NEXN: variants seen among roughly 807,000 people sequenced by gnomAD.
The protein encoded by NEXN is nexilin F-actin binding protein.
Under a neutral mutation model 92.6 loss-of-function variants are expected in NEXN, and 65 were observed. The ratio of observed to expected loss-of-function variants is 0.70; its 90% CI spans 0.57 to 0.86. NEXN has a LOEUF of 0.86. Among genes scored for constraint, NEXN ranks in the 40% least tolerant of loss-of-function variants. The pLI is 0.00. For synonymous variants in NEXN, 254 were observed against 242.5 expected, an observed-to-expected ratio of 1.05 and a Z score of -0.44; for missense variants, 778 against 771.1, an observed-to-expected ratio of 1.01 and a Z score of -0.11.
chr1:77,917,077 G>A (rs1373120689), intron 2 of NEXN, among the ~76,000 whole-genome samples: 1 of 152,102 alleles, frequency 6.6e-6, no homozygotes, highest in Admixed American at 6.6e-5. Flanking sequence ...TGCTTATATT[G>A]GATATAGAAA....
intron 9 of NEXN, among the ~76,000 whole-genome samples, chr1:77,930,642 C>T (rs1650213519): frequency 6.6e-6 from 1 of 151,986 alleles, no homozygotes; most frequent in African/African-American, 2.4e-5. Context: ...TTTCTTGATT[C>T]TTCCTGAATC....
intron 5 of NEXN, among the ~76,000 whole-genome samples, chr1:77,919,796 C>T (rs576592692): frequency 1.3e-5 from 2 of 152,084 alleles, no homozygotes; most frequent in African/African-American, 4.8e-5. Flanking sequence ...GACGGGGTTT[C>T]GCCATGTTGG....
intron 1 of NEXN, among the ~76,000 whole-genome samples, chr1:77,910,849 T>G (rs1648523822): frequency 6.6e-6 from 1 of 152,086 alleles, no homozygotes; most frequent in Non-Finnish European, 1.5e-5. Flanking sequence ...TAATTTTTTT[T>G]CTTTTAGAAA....
chr1:77,940,928 T>C (rs559265962), intron 11 of NEXN, among the ~76,000 whole-genome samples: 1 of 152,282 alleles, frequency 6.6e-6, no homozygotes, highest in East Asian at 1.9e-4. Flanking sequence ...TTGTCTGATG[T>C]CCCATGATTT....
At chr1:77,914,583 G>A (rs946989322) in intron 1 of NEXN, among the ~76,000 whole-genome samples, 4 of 152,044 alleles carry the variant, frequency 2.6e-5, no homozygotes, top group South Asian at 4.2e-4. Context: ...TTTAGGCCTG[G>A]CACGGTGGCT....
At chr1:77,914,928 G>A (rs1213315574) in intron 1 of NEXN, among the ~76,000 whole-genome samples, 2 of 151,730 alleles carry the variant, frequency 1.3e-5, no homozygotes, top group East Asian at 3.9e-4. Context: ...CCAAACATAT[G>A]CTGTGTCCAA....
chr1:77,901,721 A>G (rs747925374), intron 1 of NEXN, among the ~76,000 whole-genome samples: 5 of 152,198 alleles, frequency 3.3e-5, no homozygotes, highest in Non-Finnish European at 5.9e-5. Flanking sequence ...GACCCACTTT[A>G]TAATACATAG....
At chr1:77,917,894 C>T in intron 3 of NEXN, 66 bp from the exon 4 acceptor site, 1 of 1,471,776 alleles carries the variant, frequency 6.8e-7, no homozygotes, top group South Asian at 1.1e-5. Context: ...AATTTAAACT[C>T]TGCATATAAT....
chr1:77,922,841 C>T (rs755149936), intron 5 of NEXN, among the ~76,000 whole-genome samples: 62 of 149,328 alleles, frequency 4.2e-4, no homozygotes, highest in Non-Finnish European at 7.8e-4. Context: ...GTGATCCGCC[C>T]GCCTCGGCCT....
chr1:77,935,695 G>A, intron 10 of NEXN, 128 bp from the exon 11 acceptor site: 1 of 732,842 alleles, frequency 1.4e-6, no homozygotes. Context: ...GCATGTGCCT[G>A]TAGTCCCAGC....
intron 1 of NEXN, among the ~76,000 whole-genome samples, chr1:77,892,082 CAA>C (rs760743534): frequency 7.3e-6 from 1 of 137,244 alleles, no homozygotes. Flanking sequence ...GGCTCTGTGT[CAA>C]AAAAAAAAAA....
chr1:77,894,107 C>A (rs368053599), intron 1 of NEXN, among the ~76,000 whole-genome samples: 2 of 151,850 alleles, frequency 1.3e-5, no homozygotes, highest in Non-Finnish European at 2.9e-5. Context: ...TACAAGCATG[C>A]GCCACCGCAC....
At chr1:77,942,429 A>G in intron 12 of NEXN, 32 bp from the exon 13 acceptor site, 1 of 1,605,686 alleles carries the variant, frequency 6.2e-7, no homozygotes, top group East Asian at 2.2e-5. Context: ...AATACTATAA[A>G]TGCCAACCTG....
chr1:77,891,864 G>A (rs568668973), intron 1 of NEXN, among the ~76,000 whole-genome samples: 1 of 151,880 alleles, frequency 6.6e-6, no homozygotes, highest in South Asian at 2.1e-4. Flanking sequence ...GATCCCTTGA[G>A]CCCAGGAGTT....
At position 77,943,013 on chromosome 1, in the gene NEXN, C is replaced by A; in HGVS notation, c.*184C>A. 1 of 712,176 alleles carries A rather than the reference C, an allele frequency of 1.4e-6. No homozygotes were observed. Among genetic ancestry groups the A allele is most frequent in the Non-Finnish European group, 2.5e-6 (1 of 406,076 alleles). 44.1% of individuals were successfully genotyped at this position (712,176 alleles called of 1,614,324 possible). On this transcript the variant is annotated 3_prime_UTR_variant, in exon 13 of 13. Transcript: ENST00000334785. ...CCAAAAAAGGAAACCAGGAGTGCCA[C>A]TATGCTGACTTCTTATTCCTTTTCA...
chr1:77,923,531 CTTTTG>C (rs1053295683), intron 5 of NEXN, among the ~76,000 whole-genome samples: 11 of 151,984 alleles, frequency 7.2e-5, no homozygotes, highest in Admixed American at 6.6e-5. Context: ...TTTCCCATTG[CTTTTG>C]TTTTCTTTTC....
At chr1:77,941,238 A>C (rs545401438) in intron 11 of NEXN, among the ~76,000 whole-genome samples, 20 of 99,674 alleles carry the variant, frequency 2.0e-4, no homozygotes, top group Non-Finnish European at 3.2e-4. Context: ...TTAGAAACCA[A>C]AAGTCAAGAA....
chr1:77,942,598 C>A lies in NEXN; in HGVS notation c.1797C>A (p.Val599=). ...CATCAGTTGTAGACAGTGAGCCAGT[C>A]AGATTTACGGTTAAAGTAACAGGAG... ...KNTSVVDSEP[V]RFTVKVTGEP... is the part of the protein sequence containing the mutation. Residue 599 remains valine (V), a synonymous_variant, in exon 13 of 13, where the codon GTC becomes GTA. Coordinates refer to ENST00000334785, the MANE Select transcript of NEXN (RefSeq NM_144573.4). 1 of 1,613,812 alleles carries A rather than the reference C, an allele frequency of 6.2e-7. No homozygotes were observed. The highest frequency in any genetic ancestry group is 1.1e-5 in the South Asian group (1 of 91,066).
At chr1:77,899,806 AAAT>A (rs1188951443) in intron 1 of NEXN, among the ~76,000 whole-genome samples, 1 of 152,198 alleles carries the variant, frequency 6.6e-6, no homozygotes, top group Non-Finnish European at 1.5e-5. Context: ...TTTGTTAAAT[AAAT>A]AATGAGTCAC....
Sources: gnomAD v4.1 joint callset for allele counts (sites outside exome capture counted in the v4.1 genomes callset) on GRCh38, gnomAD v4.1.1 for gene constraint, MANE v1.5 for transcripts, NCBI Gene and HGNC (gene_info 2026-07-23, HGNC 2026-07-21) for gene names.